Variants in VAT1L observed in about 807,000 individuals in gnomAD.
VAT1L encodes putative NADPH-dependent quinone oxidoreductase VAT1L.
Under a neutral mutation model 44.1 loss-of-function variants are expected in VAT1L, and 34 were observed. The observed-to-expected ratio is 0.77, with a 90% CI of 0.59 to 1.03. The LOEUF (loss-of-function observed/expected upper bound fraction) is 1.03, where lower values mean the gene tolerates loss of function less well. Ranked by LOEUF, VAT1L falls within the 50% of genes least tolerant of loss-of-function variation. The pLI, the probability that VAT1L is intolerant of heterozygous loss-of-function variation, is 0.00. For missense variants in VAT1L, 615 were observed against 538.8 expected, an observed-to-expected ratio of 1.14 and a Z score of -1.40; for synonymous variants, 253 against 202.2, an observed-to-expected ratio of 1.25 and a Z score of -2.13.
chr16:77,806,971 C>G (rs535014557), intron 1 of VAT1L, among the ~76,000 whole-genome samples: 2 of 152,318 alleles, frequency 1.3e-5, no homozygotes, highest in South Asian at 4.1e-4. Context: ...GGGATACTTT[C>G]TGTGAGAAGC....
At chr16:77,945,829 G>C (rs1431876139) in intron 7 of VAT1L, among the ~76,000 whole-genome samples, 1 of 143,940 alleles carries the variant, frequency 6.9e-6, no homozygotes. Context: ...TTGAGACAAA[G>C]TCTCGCTCTG....
intron 8 of VAT1L, among the ~76,000 whole-genome samples, chr16:77,977,176 G>C (rs1448504595): frequency 6.6e-6 from 1 of 152,148 alleles, no homozygotes; most frequent in Non-Finnish European, 1.5e-5. Flanking sequence ...CACCTCCCCT[G>C]AGAGCAGCCC....
chr16:77,918,605 T>C (rs973669237), intron 7 of VAT1L, among the ~76,000 whole-genome samples: 3 of 152,144 alleles, frequency 2.0e-5, no homozygotes, highest in Admixed American at 6.5e-5. Flanking sequence ...GTGCGACCCA[T>C]TTGGCTGATC....
At position 77,977,842 on chromosome 16, in the gene VAT1L, C is replaced by G; in HGVS notation, c.*147C>G. 1.3e-6 allele frequency: 1 copy of G among 769,764 alleles called. No homozygotes were observed. The allele number at this position is 769,764 out of a possible 1,614,324, so 47.7% of individuals were successfully genotyped here. ...TCAGCTGAGCTAAAAAGCTGTTGAT[C>G]ACTGTTGTTTTTTGAAGTGCCAATC... is the stretch of plus-strand genomic sequence containing the variant. On this transcript the variant is annotated 3_prime_UTR_variant, in exon 9 of 9. Coordinates refer to ENST00000302536, the MANE Select transcript of VAT1L (RefSeq NM_020927.3).
intron 1 of VAT1L, among the ~76,000 whole-genome samples, chr16:77,816,179 A>G: frequency 6.6e-6 from 1 of 152,056 alleles, no homozygotes; most frequent in Non-Finnish European, 1.5e-5. Flanking sequence ...ACTTTGATAT[A>G]TTTTAATAAC....
intron 2 of VAT1L, among the ~76,000 whole-genome samples, chr16:77,819,675 G>A (rs1442927273): frequency 1.3e-5 from 2 of 152,166 alleles, no homozygotes; most frequent in Non-Finnish European, 2.9e-5. Context: ...GAGCCACCGC[G>A]CCCAGCCTGA....
At chr16:77,881,897 A>G (rs1409706948) in intron 6 of VAT1L, among the ~76,000 whole-genome samples, 1 of 152,244 alleles carries the variant, frequency 6.6e-6, no homozygotes, top group Non-Finnish European at 1.5e-5. Flanking sequence ...CAATTGTAAG[A>G]AGTGTTTTCC....
At chr16:77,905,497 A>C (rs1421341600) in intron 7 of VAT1L, among the ~76,000 whole-genome samples, 1 of 151,744 alleles carries the variant, frequency 6.6e-6, no homozygotes, top group African/African-American at 2.4e-5. Flanking sequence ...TGCTGAGATC[A>C]TTTTTCTGTT....
chr16:77,814,311 A>C (rs2016314713), intron 1 of VAT1L, among the ~76,000 whole-genome samples: 1 of 152,216 alleles, frequency 6.6e-6, no homozygotes, highest in Non-Finnish European at 1.5e-5. Context: ...GACCTGTCCT[A>C]GTCTCCGTCT....
intron 7 of VAT1L, among the ~76,000 whole-genome samples, chr16:77,924,085 T>C (rs1332005787): frequency 6.6e-6 from 1 of 152,062 alleles, no homozygotes; most frequent in Admixed American, 6.6e-5. Flanking sequence ...TCTCTGAACC[T>C]CCTTGTCTCC....
chr16:77,797,747 ACT>A (rs2015964668), intron 1 of VAT1L, among the ~76,000 whole-genome samples: 1 of 152,178 alleles, frequency 6.6e-6, no homozygotes, highest in African/African-American at 2.4e-5. Context: ...AGCTCCTGGG[ACT>A]TCCTTTTCCT....
At chr16:77,897,945 G>A (rs1243354920) in intron 7 of VAT1L, among the ~76,000 whole-genome samples, 5 of 152,192 alleles carry the variant, frequency 3.3e-5, no homozygotes, top group Admixed American at 1.3e-4. Context: ...AAGCCAAGGG[G>A]CTTACACAAC....
chr16:77,862,669 A>G, intron 3 of VAT1L, 79 bp from the exon 4 acceptor site: 11 of 1,408,444 alleles, frequency 7.8e-6, no homozygotes, highest in Non-Finnish European at 1.0e-5. Flanking sequence ...CGATGGAGAA[A>G]TCCTGCTCTA....
intron 7 of VAT1L, among the ~76,000 whole-genome samples, chr16:77,926,095 T>C (rs1228023849): frequency 6.6e-6 from 1 of 150,860 alleles, no homozygotes. Context: ...ACCCCGTCTC[T>C]ACTAAAAATT....
intron 3 of VAT1L, among the ~76,000 whole-genome samples, chr16:77,840,024 A>ATCTC (rs5818092): frequency 0.57 from 85,769 of 151,528 alleles, 24,924 homozygotes; most frequent in African/African-American, 0.64. Flanking sequence ...AAGCTGCTTC[A>ATCTC]TCTAAGACTC....
intron 7 of VAT1L, among the ~76,000 whole-genome samples, chr16:77,936,768 G>A (rs1346920916): frequency 3.3e-5 from 5 of 152,178 alleles, no homozygotes; most frequent in Non-Finnish European, 5.9e-5. Context: ...AAAGAAAGAG[G>A]AGAGGAAGGA....
chr16:77,895,562 A>G (rs1335943823), intron 7 of VAT1L, among the ~76,000 whole-genome samples: 1 of 152,186 alleles, frequency 6.6e-6, no homozygotes, highest in Admixed American at 6.5e-5. Context: ...GGGAATGGGA[A>G]GAGCCTGTAG....
chr16:77,862,951 T>C (rs1310138466), intron 4 of VAT1L, 61 bp downstream of exon 4: 3 of 1,542,980 alleles, frequency 1.9e-6, no homozygotes, highest in South Asian at 2.4e-5. Context: ...CAAAGAGCAG[T>C]AGCACTTATT....
intron 7 of VAT1L, among the ~76,000 whole-genome samples, chr16:77,915,979 G>A (rs1254075435): frequency 2.6e-5 from 4 of 152,162 alleles, no homozygotes; most frequent in African/African-American, 4.8e-5. Context: ...CACCCAGCTC[G>A]GATGAGGAGC....
Sources: allele counts gnomAD v4.1 joint callset (sites outside exome capture counted in the v4.1 genomes callset), GRCh38; gene constraint gnomAD v4.1.1; transcripts MANE v1.5; gene names NCBI Gene and HGNC (gene_info 2026-07-23, HGNC 2026-07-21).